Variants in KIAA1614 observed in about 807,000 individuals in gnomAD.
The protein encoded by KIAA1614 is uncharacterized protein KIAA1614.
A neutral mutation model predicts 88.7 loss-of-function variants in KIAA1614; 76 were observed. The observed-to-expected ratio is 0.86, with a 90% CI of 0.71 to 1.04. The LOEUF (loss-of-function observed/expected upper bound fraction) is 1.04, where lower values mean the gene tolerates loss of function less well. Among genes scored for constraint, KIAA1614 ranks in the 50% least tolerant of loss-of-function variants. KIAA1614 has a pLI of 0.00. For synonymous variants in KIAA1614, 714 were observed against 675.5 expected (o/e 1.06, Z -0.88); for missense variants, 1,553 against 1,582.5 (o/e 0.98, Z 0.32).
Position 180,936,363 on chromosome 1 carries a change from G to A in KIAA1614, c.2454G>A (p.Ser818=), listed in dbSNP as rs769348871. ...PTPPPSRKTT[S]PVSHRKAALA... ...CTCCCCCTTCGAGGAAAACCACCTC[G>A]CCAGTGTCTCACAGGAAGGCAGCCC... Residue 818 remains serine (S), a synonymous_variant, in exon 5 of 9, where the codon TCG becomes TCA. Transcript: ENST00000367588. 4.3e-6 allele frequency: 7 copies of A among 1,614,050 alleles called. No homozygotes were observed. The highest frequency in any genetic ancestry group is 3.3e-5 in the Admixed American group (2 of 60,006).
Position 180,916,646 on chromosome 1 carries a change from C to A in KIAA1614, c.543C>A (p.Asn181Lys), listed in dbSNP as rs1386238576. The A allele has an allele frequency of 1.9e-6, 3 of 1,601,094 alleles. No individual in the cohort carries two copies. Among genetic ancestry groups the A allele is most frequent in the Non-Finnish European group, 2.6e-6 (3 of 1,172,520 alleles). The change falls in exon 2 of 9, where the codon AAC becomes AAA. Residue 181 changes from asparagine to lysine, a missense_variant. Transcript: ENST00000367588. ...CTGCCCCTGGACGTGAGTACTGCAA[C>A]AGGGGGAGCCCGTGGCCTCCAGAAG... The part of the protein sequence containing the change: ...RPPAPGREYC[N>K]RGSPWPPEAE...
In KIAA1614 at chr1:180,945,317, C is replaced by T. The variant is rs116827264; in HGVS notation, c.3302C>T (p.Ser1101Leu). 290 of 1,585,426 alleles carry T rather than the reference C, an allele frequency of 1.8e-4. 1 individual carries two copies. The African/African-American group carries it at 3.6e-3, about 19-fold the overall frequency. Residue 1101 changes from serine (S) to leucine (L), a missense_variant, in exon 9 of 9, where the codon TCA becomes TTA. Transcript: ENST00000367588. ...TTCCCTCGCAGGCCGGCCAAGACTT[C>T]ACCACGGCGTGCCCTCAGTGTGGAG... Reference protein sequence around the residue: ...HSAAGRPAKTSPRRALSVEDV... With the variant: ...HSAAGRPAKTLPRRALSVEDV...
rs1654457760 is a variant in KIAA1614, at chr1:180,941,288, G to A, written c.3159+3G>A. 1.3e-6 allele frequency: 2 copies of A among 1,599,990 alleles called. No homozygotes were observed. Among genetic ancestry groups the A allele is most frequent in the Admixed American group, 1.7e-5 (1 of 59,162 alleles). ...CATCGTTACAATCCCTGCACCCGGT[G>A]AGTCCAGGGGCCCCAGCCCAGGGAG... On this transcript the variant is annotated splice_donor_region_variant and intron_variant, in intron 7 of 8. Transcript: ENST00000367588.
In KIAA1614 at chr1:180,916,442, C is replaced by T. The variant is rs1470644884; in HGVS notation, c.339C>T (p.Pro113=). 1.9e-6 allele frequency: 3 copies of T among 1,614,190 alleles called. No individual in the cohort carries two copies. The highest frequency in any genetic ancestry group is 3.3e-5 in the Admixed American group (2 of 60,030). The stretch of plus-strand genomic sequence containing the variant: ...CTGCTTCCCAAGAGTGGTCATCCCC[C>T]AAGAAACCCCAATGCAGACGAGGCA... ...PCSASQEWSS[P]KKPQCRRGKA... is the part of the protein sequence containing the mutation. Residue 113 remains proline (P), a synonymous_variant, in exon 2 of 9, where the codon CCC becomes CCT. Coordinates refer to ENST00000367588, the MANE Select transcript of KIAA1614 (RefSeq NM_020950.2).
At chr1:180,944,589 C>T in intron 8 of KIAA1614, 73 bp downstream of exon 8, 1 of 1,520,956 alleles carries the variant, frequency 6.6e-7, no homozygotes, top group South Asian at 1.2e-5. Flanking sequence ...TAACTCCTTC[C>T]TGCCTCAGCA....
chr1:180,941,714 T>C (rs1654469825), intron 7 of KIAA1614, among the ~76,000 whole-genome samples: 1 of 152,114 alleles, frequency 6.6e-6, no homozygotes, highest in South Asian at 2.1e-4. Context: ...TCCAGAGTGG[T>C]CCTTCTGATA....
rs1263555645 is a variant in KIAA1614 at position 180,938,417 on chromosome 1, G to A, written c.2762-138G>A. The A allele has an allele frequency of 5.5e-6, 5 of 915,394 alleles. No individual in the cohort carries two copies. In the African/African-American group the frequency reaches 6.7e-5, roughly 12 times the overall value. The allele number at this position is 915,394 out of a possible 1,614,324, so 56.7% of individuals were successfully genotyped here. On this transcript the variant is annotated intron_variant, in intron 5 of 8. Coordinates refer to ENST00000367588, the MANE Select transcript of KIAA1614 (RefSeq NM_020950.2). The stretch of plus-strand genomic sequence containing the variant: ...CCCACCTTCCCTTGCTGCTTCCCAG[G>A]TCTCTCCACTGCTCTCCTTGAGCTC...
chr1:180,935,785 G>C lies in KIAA1614; in HGVS notation c.1876G>C (p.Glu626Gln), dbSNP rs182446414. ...CTCTGACAACTGCAGGACCGACAGTGAGGAGGCGGGGACCTCTCAGGCTGG... is the reference window on the plus strand; with the variant it reads ...CTCTGACAACTGCAGGACCGACAGTCAGGAGGCGGGGACCTCTCAGGCTGG... ...DNSDNCRTDSEEAGTSQAGWA... is the reference protein window; with the variant it reads ...DNSDNCRTDSQEAGTSQAGWA... The change falls in exon 5 of 9, where the codon GAG (glutamate) becomes CAG (glutamine). Residue 626 changes from glutamate to glutamine, a missense_variant. Transcript: ENST00000367588. The surrounding 1 kb of genome is among the most constrained non-coding windows in gnomAD (Gnocchi z 6.1). The C allele has an allele frequency of 4.3e-6, 7 of 1,613,886 alleles. No individual in the cohort carries two copies. In the African/African-American group the frequency reaches 6.7e-5, roughly 15 times the overall value.
chr1:180,941,392 G>A (rs980979685), intron 7 of KIAA1614, 107 bp downstream of exon 7: 2 of 1,358,514 alleles, frequency 1.5e-6, no homozygotes, highest in African/African-American at 1.5e-5. Context: ...CTCCCAAGGA[G>A]CCCACAGTAG....
At position 180,941,038 on chromosome 1, in the gene KIAA1614, G is replaced by A. The variant is rs1296652236; in HGVS notation, c.2919-7G>A. On this transcript the variant is annotated splice_region_variant and splice_polypyrimidine_tract_variant and intron_variant, in intron 6 of 8. Transcript: ENST00000367588. ...CCCGCCCCCTCACCTCCACCCTTGT[G>A]TTTCAGAGCATCAGCAGGAGCTGGC... The A allele has an allele frequency of 1.4e-6, 2 of 1,452,116 alleles. No individual in the cohort carries two copies. The highest frequency in any genetic ancestry group is 2.0e-5 in the Admixed American group (1 of 50,104). The allele number at this position is 1,452,116 out of a possible 1,614,324, so 90.0% of individuals were successfully genotyped here.
chr1:180,913,342 C>A (rs560642843), intron 1 of KIAA1614, 49 bp downstream of exon 1: 1 of 1,195,606 alleles, frequency 8.4e-7, no homozygotes, highest in Non-Finnish European at 1.1e-6. Context: ...GGGTGGCGGA[C>A]CGGCGGGGCG....
At chr1:180,942,631 G>A (rs1252990846) in intron 7 of KIAA1614, among the ~76,000 whole-genome samples, 1 of 152,218 alleles carries the variant, frequency 6.6e-6, no homozygotes, top group African/African-American at 2.4e-5. Context: ...CGGCAGCGGT[G>A]ACTTGTGCTC....
At chr1:180,917,299 T>A (rs1315168642) in intron 2 of KIAA1614, among the ~76,000 whole-genome samples, 199 bp downstream of exon 2, 1 of 152,192 alleles carries the variant, frequency 6.6e-6, no homozygotes, top group Non-Finnish European at 1.5e-5. Flanking sequence ...AGGCAGCCTG[T>A]CTGCCGAAGC....
chr1:180,936,928 A>G (rs1654349270), intron 5 of KIAA1614, among the ~76,000 whole-genome samples: 1 of 152,166 alleles, frequency 6.6e-6, no homozygotes, highest in Non-Finnish European at 1.5e-5. Flanking sequence ...AGGCAGAACC[A>G]TGGGGAAGGT....
At chr1:180,918,308 T>G (rs1653866952) in intron 3 of KIAA1614, among the ~76,000 whole-genome samples, 1 of 152,046 alleles carries the variant, frequency 6.6e-6, no homozygotes, top group South Asian at 2.1e-4. Context: ...CTGGGGAAAA[T>G]GTACAAAGCC....
intron 3 of KIAA1614, among the ~76,000 whole-genome samples, chr1:180,924,001 A>G (rs767432929): frequency 2.6e-5 from 4 of 151,880 alleles, no homozygotes; most frequent in Non-Finnish European, 5.9e-5. Flanking sequence ...GTAACCACTC[A>G]ACAGTGTTTT....
Position 180,935,773 on chromosome 1 carries a change from A to AG in KIAA1614, c.1866dup (p.Thr623AspfsTer4), listed in dbSNP as rs1397572857. ...CAGCACAGACAACTCTGACAACTGC[A>AG]GGACCGACAGTGAGGAGGCGGGGAC... is the stretch of plus-strand genomic sequence containing the variant. On this transcript the variant is annotated frameshift_variant, in exon 5 of 9. Coordinates refer to ENST00000367588, the MANE Select transcript of KIAA1614 (RefSeq NM_020950.2). LOFTEE classifies it high-confidence loss of function. This position sits in a 1 kb window ranked among gnomAD's most constrained non-coding sequence, Gnocchi z 6.1. 6.2e-7 allele frequency: 1 copy of AG among 1,613,880 alleles called. No individual in the cohort carries two copies. The highest frequency in any genetic ancestry group is 8.5e-7 in the Non-Finnish European group (1 of 1,179,944).
At chr1:180,920,290 G>C (rs1653925139) in intron 3 of KIAA1614, among the ~76,000 whole-genome samples, 1 of 152,222 alleles carries the variant, frequency 6.6e-6, no homozygotes, top group African/African-American at 2.4e-5. Flanking sequence ...CTTCCCAAGA[G>C]ACCTCTGGAG....
Position 180,936,162 on chromosome 1 carries a change from C to T in KIAA1614, c.2253C>T (p.Ala751=). The change falls in exon 5 of 9, where the codon GCC becomes GCT. Residue 751 remains alanine (A), a synonymous_variant. Coordinates refer to ENST00000367588, the MANE Select transcript of KIAA1614 (RefSeq NM_020950.2). ...TPCRTAYATT[A]PMTPESSGPG... is the part of the protein sequence containing the mutation. ...GCAGGACAGCCTATGCCACCACCGC[C>T]CCCATGACGCCTGAATCATCGGGGC... The T allele has an allele frequency of 5.6e-6, 9 of 1,614,160 alleles. No homozygotes were observed. Among genetic ancestry groups the T allele is most frequent in the Non-Finnish European group, 7.6e-6 (9 of 1,180,024 alleles).
Sources: allele counts gnomAD v4.1 joint callset (sites outside exome capture counted in the v4.1 genomes callset), GRCh38; gene constraint gnomAD v4.1.1; non-coding constraint Gnocchi (gnomAD v3.1); transcripts MANE v1.5; gene names NCBI Gene and HGNC (gene_info 2026-07-23, HGNC 2026-07-21).